Variants in TMX4 observed in about 807,000 individuals in gnomAD.
The protein encoded by TMX4 is thioredoxin related transmembrane protein 4.
In TMX4, 23 loss-of-function variants were observed where a neutral mutation model predicts 33.3. The observed-to-expected ratio is 0.69, with a 90% CI of 0.50 to 0.98. The LOEUF (loss-of-function observed/expected upper bound fraction) is 0.98, where lower values mean the gene tolerates loss of function less well. Among genes scored for constraint, TMX4 ranks in the 50% least tolerant of loss-of-function variants. The probability of loss-of-function intolerance (pLI) is 0.00; values close to 1 mark genes in which losing one functional copy is unlikely to be tolerated. For synonymous variants in TMX4, 164 were observed against 161.5 expected (o/e 1.02, Z -0.12); for missense variants, 399 against 448.9 (o/e 0.89, Z 1.01).
rs139062887 is a variant in TMX4, at chr20:7,986,554, A to G, written c.615+734T>C. Among the ~76,000 whole-genome samples the G allele has an allele frequency of 3.3e-5, 5 of 152,324 alleles. No individual in the cohort carries two copies. In the East Asian group the frequency reaches 9.6e-4, roughly 29 times the overall value. On this transcript the variant is annotated intron_variant, in intron 6 of 7. Coordinates refer to ENST00000246024, the MANE Select transcript of TMX4 (RefSeq NM_021156.4). ...GAACTATGTGTTTAGTATACAATAT[A>G]AAGGTTTTTAAAAACTTTTTGGTTT... is the stretch of plus-strand genomic sequence containing the variant.
intron 6 of TMX4, among the ~76,000 whole-genome samples, chr20:7,985,876 G>T (rs186855313): frequency 6.6e-6 from 1 of 152,226 alleles, no homozygotes; most frequent in Admixed American, 6.5e-5. Context: ...AGGCAGGCAG[G>T]CCTGACTCAA....
At chr20:7,987,974 G>C (rs150227074) in intron 5 of TMX4, among the ~76,000 whole-genome samples, 2,264 of 152,240 alleles carry the variant, frequency 0.015, 22 homozygotes, top group South Asian at 0.021. Flanking sequence ...TCTTTGAATA[G>C]AGTGTATATC....
intron 4 of TMX4, among the ~76,000 whole-genome samples, chr20:7,999,263 G>A (rs112381183): frequency 6.6e-4 from 100 of 152,230 alleles, no homozygotes; most frequent in African/African-American, 1.9e-3. Context: ...ACAGTTTGCC[G>A]TCAAGGCCAA....
intron 1 of TMX4, among the ~76,000 whole-genome samples, chr20:8,017,698 A>G (rs2122887796): frequency 6.6e-6 from 1 of 152,344 alleles, no homozygotes; most frequent in African/African-American, 2.4e-5. Flanking sequence ...CCATTTTGTA[A>G]GCACCTACTG....
Position 7,993,792 on chromosome 20 carries a change from C to CACAT in TMX4, c.513+2233_513+2234insATGT, listed in dbSNP as rs974322379. The stretch of plus-strand genomic sequence containing the variant: ...ATTATTAAGGTAATGCACACACACA[C>CACAT]ACACACACGGAGATCAAAATAACAC... On this transcript the variant is annotated intron_variant, in intron 5 of 7. Transcript: ENST00000246024. Among the ~76,000 whole-genome samples, 6 of 152,016 alleles carry CACAT rather than the reference C, an allele frequency of 3.9e-5. No homozygotes were observed. In the South Asian group the frequency reaches 6.2e-4, roughly 16 times the overall value.
chr20:8,017,243 A>G (rs572207568), intron 1 of TMX4, among the ~76,000 whole-genome samples: 1 of 152,300 alleles, frequency 6.6e-6, no homozygotes, highest in Admixed American at 6.5e-5. Flanking sequence ...AATGGTTTGG[A>G]TCAATTTTCA....
chr20:8,005,066 A>C (rs551103309), intron 2 of TMX4, among the ~76,000 whole-genome samples: 40 of 152,352 alleles, frequency 2.6e-4, no homozygotes, highest in African/African-American at 9.1e-4. Context: ...TTACATTTAT[A>C]AAATTTAAAA....
At chr20:7,987,719 A>C (rs1049434409) in intron 5 of TMX4, among the ~76,000 whole-genome samples, 9 of 152,158 alleles carry the variant, frequency 5.9e-5, no homozygotes, top group Admixed American at 2.0e-4. Flanking sequence ...TTTACTTATA[A>C]TAGGGCATTC....
rs1568531482 is a variant in TMX4, at chr20:7,978,558, G to GC, written c.*3692_*3693insG. 1 of 151,838 alleles carries GC rather than the reference G, an allele frequency of 6.6e-6. No homozygotes were observed. The allele number at this position is 151,838 out of a possible 1,614,324, so 9.4% of individuals were successfully genotyped here. A position where few individuals can be genotyped will look rare whatever the true frequency, so the allele number is the denominator to read the frequency against. ...TTTTGGCCATAAAAAGTCAAATTTTGTTTTTTTTCCACTATCAAAAGCCAA... is the reference window on the plus strand; with the variant it reads ...TTTTGGCCATAAAAAGTCAAATTTTGCTTTTTTTTCCACTATCAAAAGCCAA... On this transcript the variant is annotated 3_prime_UTR_variant, in exon 8 of 8. Transcript: ENST00000246024.
chr20:7,989,999 G>T (rs564689781), intron 5 of TMX4, among the ~76,000 whole-genome samples: 2 of 152,206 alleles, frequency 1.3e-5, no homozygotes, highest in South Asian at 2.1e-4. Context: ...AGATGAATAA[G>T]AAAGTATCTT....
chr20:8,003,039 C>T lies in TMX4; in HGVS notation c.293-1498G>A, dbSNP rs762481111. Among the ~76,000 whole-genome samples the T allele has an allele frequency of 7.7e-4, 117 of 152,290 alleles. 1 individual carries two copies. The highest frequency in any genetic ancestry group is 6.8e-3 in the Middle Eastern group (2 of 294). Reference sequence around the variant, plus strand: ...CAAGCACTTCTAAGCGCATTTTCATCTCTCACATTGCTCAGGATTTCACCC... The same window carrying T: ...CAAGCACTTCTAAGCGCATTTTCATTTCTCACATTGCTCAGGATTTCACCC... On this transcript the variant is annotated intron_variant, in intron 2 of 7. Transcript: ENST00000246024.
chr20:8,000,701 A>G (rs1027112088), intron 3 of TMX4, among the ~76,000 whole-genome samples: 1 of 152,072 alleles, frequency 6.6e-6, no homozygotes, highest in South Asian at 2.1e-4. Context: ...CTCTCTAGAT[A>G]TATTTCAACT....
chr20:7,989,587 A>G (rs2050645599), intron 5 of TMX4, among the ~76,000 whole-genome samples: 1 of 151,884 alleles, frequency 6.6e-6, no homozygotes, highest in Non-Finnish European at 1.5e-5. Context: ...TCTTGGAGAA[A>G]CTCTGCCATC....
At chr20:8,019,294 G>T (rs1229482237) in intron 1 of TMX4, 144 bp downstream of exon 1, 6 of 1,014,852 alleles carry the variant, frequency 5.9e-6, no homozygotes, top group Non-Finnish European at 8.1e-6. Flanking sequence ...GCCCGGCACC[G>T]GCGCCGCAGG....
intron 2 of TMX4, among the ~76,000 whole-genome samples, chr20:8,009,011 C>T (rs978844178): frequency 6.6e-6 from 1 of 152,084 alleles, no homozygotes; most frequent in African/African-American, 2.4e-5. Flanking sequence ...TTTTTGAACT[C>T]ACAGTTTATT....
chr20:7,977,982 T>C lies in TMX4; in HGVS notation c.*4269A>G, dbSNP rs1310876911. On this transcript the variant is annotated 3_prime_UTR_variant, in exon 8 of 8. Coordinates refer to ENST00000246024, the MANE Select transcript of TMX4 (RefSeq NM_021156.4). The stretch of plus-strand genomic sequence containing the variant: ...GCTGCCCCATCAGGTTCAGCAGGCT[T>C]GATGACTCCAAATTTGGCTTTTTAA... 6.6e-6 allele frequency: 1 copy of C among 152,230 alleles called. No individual in the cohort carries two copies. Among genetic ancestry groups the C allele is most frequent in the Non-Finnish European group, 1.5e-5 (1 of 68,048 alleles). The allele number at this position is 152,230 out of a possible 1,614,324, so 9.4% of individuals were successfully genotyped here.
intron 1 of TMX4, among the ~76,000 whole-genome samples, chr20:8,014,273 C>A (rs906137629): frequency 1.3e-5 from 2 of 152,196 alleles, no homozygotes; most frequent in African/African-American, 4.8e-5. Flanking sequence ...CACCACAGAA[C>A]AGAACCTGGA....
At chr20:7,998,241 A>C (rs188950963) in intron 4 of TMX4, among the ~76,000 whole-genome samples, 9 of 152,322 alleles carry the variant, frequency 5.9e-5, no homozygotes, top group Admixed American at 5.2e-4. Flanking sequence ...CAAAGTCTGC[A>C]TCTCAAACCC....
rs779572964 is a variant in TMX4, at chr20:8,019,398, C to T, written c.176+40G>A. On this transcript the variant is annotated intron_variant, in intron 1 of 7. Coordinates refer to ENST00000246024, the MANE Select transcript of TMX4 (RefSeq NM_021156.4). The stretch of plus-strand genomic sequence containing the variant: ...CGCGGGCTTGGGAGGGTGACGCCCG[C>T]GAGGACACTGCGGCGTCCGGGGCGG... 6 of 1,505,930 alleles carry T rather than the reference C, an allele frequency of 4.0e-6. No homozygotes were observed. In the South Asian group the frequency reaches 7.5e-5, roughly 19 times the overall value. The allele number at this position is 1,505,930 out of a possible 1,614,324, so 93.3% of individuals were successfully genotyped here.
Sources: gnomAD v4.1 joint callset for allele counts (sites outside exome capture counted in the v4.1 genomes callset) on GRCh38, gnomAD v4.1.1 for gene constraint, MANE v1.5 for transcripts, NCBI Gene and HGNC (gene_info 2026-07-23, HGNC 2026-07-21) for gene names.